Variants in KLK11 observed in about 807,000 individuals in gnomAD.
KLK11 encodes kallikrein related peptidase 11.
Under a neutral mutation model 23.4 loss-of-function variants are expected in KLK11, and 10 were observed. The observed-to-expected ratio is 0.43, with a 90% CI of 0.26 to 0.73. The LOEUF (loss-of-function observed/expected upper bound fraction) is 0.73, where lower values mean the gene tolerates loss of function less well. KLK11 is among the 30% of genes least tolerant of loss of function. The pLI, the probability that KLK11 is intolerant of heterozygous loss-of-function variation, is 0.22. For missense variants in KLK11, 285 were observed against 327.8 expected, an observed-to-expected ratio of 0.87 and a Z score of 1.01; for synonymous variants, 131 against 131.7, an observed-to-expected ratio of 0.99 and a Z score of 0.03.
In KLK11 at chr19:51,024,782, C is replaced by T. The variant is rs776782387; in HGVS notation, c.53G>A (p.Gly18Glu). The stretch of plus-strand genomic sequence containing the variant: ...GAACCCCTTGATGATCCTGGTCTCT[C>T]CCCCTACAAGCCCTGGAGGGGGTGA... ...LLALATGLVG[G>E]ETRIIKGFEC... The change falls in exon 3 of 6, where the codon GGA (glycine) becomes GAA (glutamate). Residue 18 changes from glycine (G) to glutamate (E), a missense_variant. Coordinates refer to ENST00000453757, the MANE Select transcript of KLK11 (RefSeq NM_001136032.3). This position sits in a 1 kb window ranked among gnomAD's most constrained non-coding sequence, Gnocchi z 6.2. 1 of 1,589,156 alleles carries T rather than the reference C, an allele frequency of 6.3e-7. No homozygotes were observed. The highest frequency in any genetic ancestry group is 1.9e-5 in the Admixed American group (1 of 53,552).
rs1249111490 is a variant in KLK11, at chr19:51,024,346, G to C, written c.198-36C>G. 1 of 1,602,354 alleles carries C rather than the reference G, an allele frequency of 6.2e-7. No individual in the cohort carries two copies. Among genetic ancestry groups the C allele is most frequent in the Admixed American group, 1.7e-5 (1 of 59,904 alleles). On this transcript the variant is annotated intron_variant, in intron 3 of 5. Transcript: ENST00000453757. This position sits in a 1 kb window ranked among gnomAD's most constrained non-coding sequence, Gnocchi z 6.2. ...AGAGACAGTAGTTGGAGGAGGAAAG[G>C]TCGGGGGAGACATGGGTGGGAGAGG...
chr19:51,024,596 C>A lies in KLK11; in HGVS notation c.197+42G>T. On this transcript the variant is annotated intron_variant, in intron 3 of 5. Transcript: ENST00000453757. This position sits in a 1 kb window ranked among gnomAD's most constrained non-coding sequence, Gnocchi z 6.2. The stretch of plus-strand genomic sequence containing the variant: ...GCTTCTCTCCATCCATCTCCCCATT[C>A]CCAGCCCCCCACCCCGGCACCGCCC... The A allele has an allele frequency of 1.6e-5, 22 of 1,390,850 alleles. No individual in the cohort carries two copies. The highest frequency in any genetic ancestry group is 1.9e-5 in the Non-Finnish European group (20 of 1,039,484). The allele number at this position is 1,390,850 out of a possible 1,614,324, so 86.2% of individuals were successfully genotyped here. A position where few individuals can be genotyped will look rare whatever the true frequency, so the allele number is the denominator to read the frequency against.
Position 51,025,484 on chromosome 19 carries a change from G to A in KLK11, c.40+108C>T. The A allele has an allele frequency of 3.0e-6, 2 of 674,616 alleles. No homozygotes were observed. Among genetic ancestry groups the A allele is most frequent in the Admixed American group, 3.5e-5 (1 of 28,478 alleles). 41.8% of individuals were successfully genotyped at this position (674,616 alleles called of 1,614,324 possible). On this transcript the variant is annotated intron_variant, in intron 2 of 5. Transcript: ENST00000453757. This position sits in a 1 kb window ranked among gnomAD's most constrained non-coding sequence, Gnocchi z 6.2. The stretch of plus-strand genomic sequence containing the variant: ...CTGCTCCAGTTCAGGTGCCTTATGG[G>A]TTGTTCTGTAATTTGGAATCAGCCC...
chr19:51,027,234 G>C, upstream of KLK11: 1 of 556,714 alleles, frequency 1.8e-6, no homozygotes, highest in East Asian at 3.0e-5. Context: ...GAGGGGGGGT[G>C]TGCTGGGATG....
chr19:51,024,800 G>A lies in KLK11; in HGVS notation c.41-6C>T. On this transcript the variant is annotated splice_region_variant and splice_polypyrimidine_tract_variant and intron_variant, in intron 2 of 5. Coordinates refer to ENST00000453757, the MANE Select transcript of KLK11 (RefSeq NM_001136032.3). The surrounding 1 kb of genome is among the most constrained non-coding windows in gnomAD (Gnocchi z 6.2). ...GGTCTCTCCCCCTACAAGCCCTGGA[G>A]GGGGTGAGAGCAAAAGAAGGGGCTC... is the stretch of plus-strand genomic sequence containing the variant. 1 of 1,560,670 alleles carries A rather than the reference G, an allele frequency of 6.4e-7. No individual in the cohort carries two copies. The highest frequency in any genetic ancestry group is 8.6e-7 in the Non-Finnish European group (1 of 1,160,986).
At chr19:51,023,752 G>A (rs1278075912) in intron 4 of KLK11, 1 of 336,190 alleles carries the variant, frequency 3.0e-6, no homozygotes, top group Non-Finnish European at 5.4e-6. Flanking sequence ...CCTGACAGGT[G>A]GGTATAATCA....
chr19:51,027,737 C>A, upstream of KLK11: 1 of 520,858 alleles, frequency 1.9e-6, no homozygotes, highest in Non-Finnish European at 3.4e-6. Flanking sequence ...GACTCCACCC[C>A]TGCAAGGCTC....
chr19:51,024,289 C>T lies in KLK11; in HGVS notation c.219G>A (p.Gly73=). Residue 73 remains glycine (G), a synonymous_variant, in exon 4 of 6, where the codon GGG becomes GGA. Transcript: ENST00000453757. The surrounding 1 kb of genome is among the most constrained non-coding windows in gnomAD (Gnocchi z 6.2). ...CCTCCTCCTTCTGGAGGTTGTGCTG[C>T]CCCAGGTGAACTATGTAGCGGCTGA... ...CLKPRYIVHL[G]QHNLQKEEGC... 1 of 1,613,926 alleles carries T rather than the reference C, an allele frequency of 6.2e-7. No individual in the cohort carries two copies.
chr19:51,026,190 A>G (rs1388212256), intron 1 of KLK11, among the ~76,000 whole-genome samples: 3 of 151,930 alleles, frequency 2.0e-5, no homozygotes, highest in Non-Finnish European at 4.4e-5. Flanking sequence ...TGGGACCCCC[A>G]TCACCCGGCT....
chr19:51,022,540 C>T lies in KLK11; in HGVS notation c.*5G>A, dbSNP rs1296678619. The T allele has an allele frequency of 6.2e-7, 1 of 1,613,898 alleles. No individual in the cohort carries two copies. The highest frequency in any genetic ancestry group is 1.3e-5 in the African/African-American group (1 of 74,896). On this transcript the variant is annotated 3_prime_UTR_variant, in exon 6 of 6. Transcript: ENST00000453757. Reference sequence around the variant, plus strand: ...GGGTGATGGGCTGTGGTGGGTGGGTCCAGTCTAATTGTTCTTCATCGTCTC... The same window carrying T: ...GGGTGATGGGCTGTGGTGGGTGGGTTCAGTCTAATTGTTCTTCATCGTCTC...
Position 51,024,587 on chromosome 19 carries a change from C to A in KLK11, c.197+51G>T. 1 of 1,448,396 alleles carries A rather than the reference C, an allele frequency of 6.9e-7. No homozygotes were observed. Among genetic ancestry groups the A allele is most frequent in the Non-Finnish European group, 9.1e-7 (1 of 1,095,336 alleles). The allele number at this position is 1,448,396 out of a possible 1,614,324, so 89.7% of individuals were successfully genotyped here. On this transcript the variant is annotated intron_variant, in intron 3 of 5. Transcript: ENST00000453757. The surrounding 1 kb of genome is among the most constrained non-coding windows in gnomAD (Gnocchi z 6.2). ...TATCCCTGAGCTTCTCTCCATCCATCTCCCCATTCCCAGCCCCCCACCCCG... is the reference window on the plus strand; with the variant it reads ...TATCCCTGAGCTTCTCTCCATCCATATCCCCATTCCCAGCCCCCCACCCCG...
chr19:51,027,307 G>T, upstream of KLK11: 1 of 784,068 alleles, frequency 1.3e-6, no homozygotes, highest in Non-Finnish European at 2.1e-6. Context: ...AGGCAGGTCA[G>T]GGCCTGTGGA....
In KLK11 at chr19:51,025,759, C is replaced by G. The variant is rs117218643; in HGVS notation, c.-35-93G>C. 12 of 539,800 alleles carry G rather than the reference C, an allele frequency of 2.2e-5. No homozygotes were observed. The East Asian group carries it at 4.0e-4, about 18-fold the overall frequency. The allele number at this position is 539,800 out of a possible 1,614,324, so 33.4% of individuals were successfully genotyped here. A position where few individuals can be genotyped will look rare whatever the true frequency, so the allele number is the denominator to read the frequency against. On this transcript the variant is annotated intron_variant, in intron 1 of 5. Coordinates refer to ENST00000453757, the MANE Select transcript of KLK11 (RefSeq NM_001136032.3). This position sits in a 1 kb window ranked among gnomAD's most constrained non-coding sequence, Gnocchi z 6.2. ...TGCCCTCTCCTCTCTCCCTCACCTG[C>G]TCCCGCTCCCCACTTGGGAGAAACA...
chr19:51,022,331 C>T lies in KLK11; in HGVS notation c.*214G>A, dbSNP rs949153517. The T allele has an allele frequency of 3.3e-5, 19 of 584,116 alleles. No homozygotes were observed. In the African/African-American group the frequency reaches 3.4e-4, roughly 10 times the overall value. The allele number at this position is 584,116 out of a possible 1,614,324, so 36.2% of individuals were successfully genotyped here. A position where few individuals can be genotyped will look rare whatever the true frequency, so the allele number is the denominator to read the frequency against. ...GAGAACAAACCAGGTGTTGTCATTC[C>T]CAGAGTCACAATATTTCAAGGCAGA... On this transcript the variant is annotated 3_prime_UTR_variant, in exon 6 of 6. Coordinates refer to ENST00000453757, the MANE Select transcript of KLK11 (RefSeq NM_001136032.3).
rs976384234 is a variant in KLK11 at position 51,023,278 on chromosome 19, C to T, written c.464-50G>A. 3 of 1,590,246 alleles carry T rather than the reference C, an allele frequency of 1.9e-6. No homozygotes were observed. The African/African-American group carries it at 4.0e-5, about 21-fold the overall frequency. ...TGGGAATGAGCCCCCTGCCACCTCC[C>T]CTAATGCAGTGCTTGCTGTGATCCC... On this transcript the variant is annotated intron_variant, in intron 4 of 5. Coordinates refer to ENST00000453757, the MANE Select transcript of KLK11 (RefSeq NM_001136032.3).
chr19:51,022,261 C>A lies in KLK11; in HGVS notation c.*284G>T. On this transcript the variant is annotated 3_prime_UTR_variant, in exon 6 of 6. Coordinates refer to ENST00000453757, the MANE Select transcript of KLK11 (RefSeq NM_001136032.3). ...TCATTTAGCAAATATTTATTGAAAC[C>A]TTGATATATGGCCAGGAGCTGTCTT... 2.2e-6 allele frequency: 1 copy of A among 458,236 alleles called. No individual in the cohort carries two copies. 28.4% of individuals were successfully genotyped at this position (458,236 alleles called of 1,614,324 possible). A position where few individuals can be genotyped will look rare whatever the true frequency, so the allele number is the denominator to read the frequency against.
upstream of KLK11, chr19:51,027,435 C>A (rs529445686): frequency 2.5e-6 from 4 of 1,613,216 alleles, no homozygotes; most frequent in African/African-American, 2.7e-5. Context: ...CCCAGGCAGC[C>A]CGAGTCCAGC....
In KLK11 at chr19:51,026,520, C is replaced by G; in HGVS notation, c.-36+18G>C. Reference sequence around the variant, plus strand: ...ACCTGGACGGGGAGGGGCAGCTTCCCTTTCCTCCTGGACTCACAGGCTCTG... The same window carrying G: ...ACCTGGACGGGGAGGGGCAGCTTCCGTTTCCTCCTGGACTCACAGGCTCTG... On this transcript the variant is annotated intron_variant, in intron 1 of 5. Transcript: ENST00000453757. 1.0e-6 allele frequency: 1 copy of G among 980,820 alleles called. No homozygotes were observed. The highest frequency in any genetic ancestry group is 1.1e-4 in the East Asian group (1 of 8,774). 60.8% of individuals were successfully genotyped at this position (980,820 alleles called of 1,614,324 possible). A position where few individuals can be genotyped will look rare whatever the true frequency, so the allele number is the denominator to read the frequency against.
In KLK11 at chr19:51,025,718, G is replaced by A. The variant is rs377099292; in HGVS notation, c.-35-52C>T. ...GCATCACTTTACGGGGAAATCGGGA[G>A]GGGGGGGCTGGCTCATGCCCTCTCC... On this transcript the variant is annotated intron_variant, in intron 1 of 5. Coordinates refer to ENST00000453757, the MANE Select transcript of KLK11 (RefSeq NM_001136032.3). The surrounding 1 kb of genome is among the most constrained non-coding windows in gnomAD (Gnocchi z 6.2). 39 of 708,158 alleles carry A rather than the reference G, an allele frequency of 5.5e-5. No homozygotes were observed. The highest frequency in any genetic ancestry group is 1.1e-4 in the Admixed American group (4 of 36,104). The allele number at this position is 708,158 out of a possible 1,614,324, so 43.9% of individuals were successfully genotyped here.
Sources: gnomAD v4.1 joint callset for allele counts (sites outside exome capture counted in the v4.1 genomes callset) on GRCh38, gnomAD v4.1.1 for gene constraint, Gnocchi (gnomAD v3.1) non-coding constraint, MANE v1.5 for transcripts, NCBI Gene and HGNC (gene_info 2026-07-23, HGNC 2026-07-21) for gene names.